KCNT1: variants seen among roughly 807,000 people sequenced by gnomAD.
KCNT1 encodes potassium sodium-activated channel subfamily T member 1.
A neutral mutation model predicts 147.8 loss-of-function variants in KCNT1; 78 were observed. The ratio of observed to expected loss-of-function variants is 0.53; its 90% CI spans 0.44 to 0.64. The LOEUF is 0.64. Among genes scored for constraint, KCNT1 ranks in the 30% least tolerant of loss-of-function variants. KCNT1 has a pLI of 0.00. For missense variants in KCNT1, 1,419 were observed against 1,750.3 expected (o/e 0.81, Z 3.38); for synonymous variants, 867 against 748.8 (o/e 1.16, Z -2.58).
At chr9:135,755,944 A>T (rs1414094206) in intron 6 of KCNT1, among the ~76,000 whole-genome samples, 1 of 145,980 alleles carries the variant, frequency 6.9e-6, no homozygotes, top group Non-Finnish European at 1.5e-5. Context: ...GCTCAGTAAA[A>T]CAGGTGACTC....
At chr9:135,788,247 G>GC in intron 29 of KCNT1, 1 of 1,176,616 alleles carries the variant, frequency 8.5e-7, no homozygotes, top group Non-Finnish European at 1.3e-6. Flanking sequence ...CGCCATCCCG[G>GC]CCAGGCAGGT....
At chr9:135,787,295 G>A (rs1033621988) in intron 29 of KCNT1, among the ~76,000 whole-genome samples, 11 of 152,200 alleles carry the variant, frequency 7.2e-5, no homozygotes, top group Non-Finnish European at 1.2e-4. Context: ...TACATGCCCT[G>A]CCTGGCGTGG....
intron 11 of KCNT1, among the ~76,000 whole-genome samples, chr9:135,762,182 GCCTGTAACC>G (rs1831959314): frequency 6.6e-6 from 1 of 152,200 alleles, no homozygotes. Flanking sequence ...CAGGGCTCAT[GCCTGTAACC>G]CCAGTACTTT....
chr9:135,770,256 T>C, intron 16 of KCNT1, 42 bp from the exon 17 acceptor site: 1 of 1,552,206 alleles, frequency 6.4e-7, no homozygotes, highest in South Asian at 1.2e-5. Context: ...GGGGCAGCCA[T>C]GGCCGAGGGT....
Position 135,786,359 on chromosome 9 carries a change from C to G in KCNT1, c.3340C>G (p.Arg1114Gly), listed in dbSNP as rs370085077. ...LLRRKSLQWA[R>G]RLSRKAPKQA... The stretch of plus-strand genomic sequence containing the variant: ...ACGGCGCAAGAGCCTGCAGTGGGCC[C>G]GGAGGCTGAGCCGCAAGGCGCCCAA... Residue 1114 changes from arginine to glycine, a missense_variant, in exon 29 of 31, where the codon CGG becomes GGG. Transcript: ENST00000371757. 34 of 1,582,344 alleles carry G rather than the reference C, an allele frequency of 2.1e-5. No individual in the cohort carries two copies. Among genetic ancestry groups the G allele is most frequent in the South Asian group, 3.4e-5 (3 of 87,774 alleles).
chr9:135,755,179 C>T lies in KCNT1; in HGVS notation c.540+10C>T, dbSNP rs1831402240. ...ACTGTGGGCGATCCAGGTGAGTGCC[C>T]TACCCTGCCCCCCTCCCGACTGCAG... On this transcript the variant is annotated intron_variant, in intron 6 of 30. Coordinates refer to ENST00000371757, the MANE Select transcript of KCNT1 (RefSeq NM_020822.3). 1 of 1,606,918 alleles carries T rather than the reference C, an allele frequency of 6.2e-7. No homozygotes were observed. Among genetic ancestry groups the T allele is most frequent in the Non-Finnish European group, 8.5e-7 (1 of 1,176,784 alleles).
chr9:135,722,957 A>G (rs990918624), intron 2 of KCNT1, among the ~76,000 whole-genome samples: 6 of 152,218 alleles, frequency 3.9e-5, no homozygotes, highest in Admixed American at 1.3e-4. Context: ...ATGTCGTGGG[A>G]AATCCTCCGG....
chr9:135,712,140 C>G (rs1486548381), intron 1 of KCNT1, among the ~76,000 whole-genome samples: 1 of 152,134 alleles, frequency 6.6e-6, no homozygotes, highest in Non-Finnish European at 1.5e-5. Flanking sequence ...GTGCTCTGAG[C>G]CCCTGGGCTG....
chr9:135,787,196 G>A (rs528702152), intron 29 of KCNT1, among the ~76,000 whole-genome samples: 1 of 152,326 alleles, frequency 6.6e-6, no homozygotes, highest in African/African-American at 2.4e-5. Flanking sequence ...GCCGCTTCAG[G>A]GAGCCCGGCG....
At chr9:135,780,756 T>C (rs576359088) in intron 24 of KCNT1, among the ~76,000 whole-genome samples, 1 of 152,220 alleles carries the variant, frequency 6.6e-6, no homozygotes, top group Non-Finnish European at 1.5e-5. Flanking sequence ...AGGGGTGTGC[T>C]CTGCAGCTGG....
At chr9:135,721,627 T>C (rs1835929676) in intron 2 of KCNT1, among the ~76,000 whole-genome samples, 1 of 152,316 alleles carries the variant, frequency 6.6e-6, no homozygotes, top group South Asian at 2.1e-4. Context: ...GCCACCTGCA[T>C]GATTGAGTCA....
intron 16 of KCNT1, 42 bp downstream of exon 16, chr9:135,770,097 G>T (rs1247109538): frequency 2.0e-6 from 3 of 1,510,352 alleles, no homozygotes; most frequent in Non-Finnish European, 2.7e-6. Context: ...CCATGGCGGG[G>T]CCGGCGCAGG....
chr9:135,753,818 C>T, intron 4 of KCNT1, 119 bp from the exon 5 acceptor site: 1 of 987,688 alleles, frequency 1.0e-6, no homozygotes, highest in South Asian at 1.3e-5. Context: ...TGGGGGTTAG[C>T]CCCGGGTGGG....
intron 29 of KCNT1, chr9:135,788,130 T>G (rs757663021): frequency 6.2e-7 from 1 of 1,612,734 alleles, no homozygotes; most frequent in Non-Finnish European, 8.5e-7. Context: ...GCCAGTGATG[T>G]CATGAATCGG....
In KCNT1 at chr9:135,724,474, G is replaced by A. The variant is rs529911326; in HGVS notation, c.254+9754G>A. Reference sequence around the variant, plus strand: ...GGATCCAGGCAGGCCAGTGGTCGGCGAGGGGCGTGGCCAGTCTGCCTGTTC... The same window carrying A: ...GGATCCAGGCAGGCCAGTGGTCGGCAAGGGGCGTGGCCAGTCTGCCTGTTC... On this transcript the variant is annotated intron_variant, in intron 2 of 30. Transcript: ENST00000371757. 9.8e-5 allele frequency among the ~76,000 whole-genome samples: 15 copies of A among 152,372 alleles called. 1 individual carries two copies. Among genetic ancestry groups the A allele is most frequent in the Admixed American group, 6.5e-4 (10 of 15,310 alleles).
Position 135,770,448 on chromosome 9 carries a change from G to T in KCNT1, c.1769+1G>T. 6.2e-7 allele frequency: 1 copy of T among 1,609,526 alleles called. No individual in the cohort carries two copies. ...ACGCGGCCTTCCACGCCCACAAGAA[G>T]TAAGGCCGGGCTGCATCCACAGGGC... On this transcript the variant is annotated splice_donor_variant, in intron 17 of 30. Transcript: ENST00000371757. LOFTEE classifies it high-confidence loss of function.
At chr9:135,720,174 G>A (rs1469933779) in intron 2 of KCNT1, among the ~76,000 whole-genome samples, 2 of 152,082 alleles carry the variant, frequency 1.3e-5, no homozygotes, top group East Asian at 3.9e-4. Flanking sequence ...GGCCCTGCTG[G>A]ATGCACCCCT....
chr9:135,787,884 C>T (rs1288533694), intron 29 of KCNT1, among the ~76,000 whole-genome samples: 3 of 152,162 alleles, frequency 2.0e-5, no homozygotes, highest in Non-Finnish European at 4.4e-5. Context: ...GGTCTGGCCA[C>T]CCCCAGAGCT....
intron 2 of KCNT1, among the ~76,000 whole-genome samples, chr9:135,748,862 G>A (rs1338822947): frequency 1.3e-5 from 2 of 152,220 alleles, no homozygotes; most frequent in African/African-American, 4.8e-5. Flanking sequence ...TTTGACCCCA[G>A]GGAGCAAGGC....
Sources: allele counts gnomAD v4.1 joint callset (sites outside exome capture counted in the v4.1 genomes callset), GRCh38; gene constraint gnomAD v4.1.1; transcripts MANE v1.5; gene names NCBI Gene and HGNC (gene_info 2026-07-23, HGNC 2026-07-21).